Variants in UGT2A2 observed in about 807,000 individuals in gnomAD.
UGT2A2 encodes UDP glucuronosyltransferase family 2 member A2.
UGT2A2 carries 60 observed loss-of-function variants against 50.7 expected under a neutral mutation model. The ratio of observed to expected loss-of-function variants is 1.18; its 90% CI spans 0.96 to 1.47. The LOEUF (loss-of-function observed/expected upper bound fraction) is 1.47. Ranked by LOEUF, UGT2A2 falls within the 40% of genes most tolerant of loss-of-function variation. The pLI, the probability that UGT2A2 is intolerant of heterozygous loss-of-function variation, is 0.00. For missense variants in UGT2A2, 762 were observed against 634.0 expected (o/e 1.20, Z -2.17); for synonymous variants, 242 against 214.6 (o/e 1.13, Z -1.11).
Position 69,638,996 on chromosome 4 carries a change from A to G in UGT2A2, c.645T>C (p.Phe215=). The G allele has an allele frequency of 1.9e-6, 3 of 1,613,214 alleles. No individual in the cohort carries two copies. The highest frequency in any genetic ancestry group is 2.5e-6 in the Non-Finnish European group (3 of 1,179,516). Residue 215 remains phenylalanine, a synonymous_variant, in exon 1 of 6, where the codon TTT becomes TTC. Coordinates refer to ENST00000604629, the MANE Select transcript of UGT2A2 (RefSeq NM_001105677.2). ...ALSELTDQMT[F]GERIKNTISY... ...ATATGGTATTTTTAATCCTTTCACC[A>G]AAGGTCATCTGGTCAGTGAGCTCTG...
chr4:69,633,616 G>T (rs756693681), intron 1 of UGT2A2, among the ~76,000 whole-genome samples: 1 of 152,162 alleles, frequency 6.6e-6, no homozygotes, highest in Non-Finnish European at 1.5e-5. Flanking sequence ...ATAGCTATAA[G>T]AATGAGCACA....
Position 69,599,406 on chromosome 4 carries a change from G to T in UGT2A2, c.743-12C>A. ...CGTAGTGGGTCTTCCTGGAGAAAAT[G>T]TAACAAGTTGGATGGAGGAAATTAG... On this transcript the variant is annotated splice_polypyrimidine_tract_variant and intron_variant, in intron 1 of 5. Transcript: ENST00000604629. 1.2e-6 allele frequency: 2 copies of T among 1,611,516 alleles called. No individual in the cohort carries two copies. Among genetic ancestry groups the T allele is most frequent in the Non-Finnish European group, 1.7e-6 (2 of 1,179,380 alleles).
chr4:69,617,482 C>T (rs1012019717), intron 1 of UGT2A2, among the ~76,000 whole-genome samples: 20 of 151,836 alleles, frequency 1.3e-4, no homozygotes, highest in Middle Eastern at 3.4e-3. Flanking sequence ...TATACGTAGA[C>T]GTACAAAACC....
At chr4:69,594,392 C>T (rs1718781965) in intron 5 of UGT2A2, 85 bp downstream of exon 5, 2 of 1,508,186 alleles carry the variant, frequency 1.3e-6, no homozygotes, top group East Asian at 2.3e-5. Context: ...AAAATAATTA[C>T]AAAAGTATAA....
rs1236546499 is a variant in UGT2A2, at chr4:69,613,805, T to G, written c.743-14411A>C. ...CATGATTAAAAACTCTCAAAACAAC[T>G]GAGTATAGAAGGAACATAGCTCAAC... On this transcript the variant is annotated intron_variant, in intron 1 of 5. Coordinates refer to ENST00000604629, the MANE Select transcript of UGT2A2 (RefSeq NM_001105677.2). Among the ~76,000 whole-genome samples, 6 of 152,048 alleles carry G rather than the reference T, an allele frequency of 3.9e-5. No homozygotes were observed. In the East Asian group the frequency reaches 9.7e-4, roughly 25 times the overall value.
In UGT2A2 at chr4:69,589,142, C is replaced by A. The variant is rs919163323; in HGVS notation, c.*230G>T. ...AAAAGTGACAGGAAGAGGGTATAGT[C>A]AGCAGGGAGAGACAAAGGAAAAATA... On this transcript the variant is annotated 3_prime_UTR_variant, in exon 6 of 6. Transcript: ENST00000604629. 6.5e-5 allele frequency: 27 copies of A among 415,512 alleles called. No individual in the cohort carries two copies. Among genetic ancestry groups the A allele is most frequent in the Non-Finnish European group, 7.6e-5 (19 of 250,180 alleles). The allele number at this position is 415,512 out of a possible 1,614,324, so 25.7% of individuals were successfully genotyped here.
intron 1 of UGT2A2, among the ~76,000 whole-genome samples, chr4:69,634,610 A>C (rs1426416884): frequency 1.3e-5 from 2 of 152,212 alleles, no homozygotes; most frequent in African/African-American, 4.8e-5. Context: ...AAGTTGATTT[A>C]ACAACTGATA....
chr4:69,599,126 T>C (rs1719104660), intron 2 of UGT2A2, 120 bp downstream of exon 2: 1 of 1,385,490 alleles, frequency 7.2e-7, no homozygotes, highest in South Asian at 1.7e-5. Flanking sequence ...GGAAAATAGA[T>C]GTGGAGTAGC....
chr4:69,635,324 G>C (rs1721612788), intron 1 of UGT2A2, among the ~76,000 whole-genome samples: 1 of 152,138 alleles, frequency 6.6e-6, no homozygotes. Context: ...CCGATCTACA[G>C]TGCGCTGGGA....
chr4:69,639,460 C>T lies in UGT2A2; in HGVS notation c.181G>A (p.Val61Ile), dbSNP rs755749922. ...ELIQRNHNVT[V>I]LASSATLFIN... ...AATAGAGTTGCTGATGAAGCCAGTA[C>T]AGTCACATTGTGATTTCTTTGAATC... is the stretch of plus-strand genomic sequence containing the variant. Residue 61 changes from valine to isoleucine, a missense_variant, in exon 1 of 6, where the codon GTA becomes ATA. Coordinates refer to ENST00000604629, the MANE Select transcript of UGT2A2 (RefSeq NM_001105677.2). 6.2e-7 allele frequency: 1 copy of T among 1,613,066 alleles called. No individual in the cohort carries two copies. The highest frequency in any genetic ancestry group is 2.2e-5 in the East Asian group (1 of 44,802).
intron 1 of UGT2A2, among the ~76,000 whole-genome samples, chr4:69,608,622 A>C (rs1004739583): frequency 6.6e-6 from 1 of 152,074 alleles, no homozygotes; most frequent in Non-Finnish European, 1.5e-5. Flanking sequence ...GGAAGAAGGA[A>C]GGAGGGAAAA....
intron 1 of UGT2A2, among the ~76,000 whole-genome samples, chr4:69,634,221 A>G (rs964850510): frequency 1.3e-4 from 20 of 151,704 alleles, no homozygotes; most frequent in Non-Finnish European, 2.1e-4. Flanking sequence ...CTCCAGCCTG[A>G]GCGACAGAGC....
Position 69,589,288 on chromosome 4 carries a change from C to T in UGT2A2, c.*84G>A. ...GGATGGGAGACGTGTTTTTGTTAAACTCCTTTTGTCTGGAATTAATAGGAC... is the reference window on the plus strand; with the variant it reads ...GGATGGGAGACGTGTTTTTGTTAAATTCCTTTTGTCTGGAATTAATAGGAC... On this transcript the variant is annotated 3_prime_UTR_variant, in exon 6 of 6. Coordinates refer to ENST00000604629, the MANE Select transcript of UGT2A2 (RefSeq NM_001105677.2). The T allele has an allele frequency of 7.1e-7, 1 of 1,404,980 alleles. No homozygotes were observed. The highest frequency in any genetic ancestry group is 2.5e-5 in the East Asian group (1 of 39,890). 87.0% of individuals were successfully genotyped at this position (1,404,980 alleles called of 1,614,324 possible). A position where few individuals can be genotyped will look rare whatever the true frequency, so the allele number is the denominator to read the frequency against.
chr4:69,614,106 A>G (rs577085980), intron 1 of UGT2A2, among the ~76,000 whole-genome samples: 1 of 147,560 alleles, frequency 6.8e-6, no homozygotes, highest in Non-Finnish European at 1.5e-5. Context: ...AACTGTTTTA[A>G]GCTGATAAAC....
At chr4:69,634,631 A>G (rs1373635161) in intron 1 of UGT2A2, among the ~76,000 whole-genome samples, 2 of 152,160 alleles carry the variant, frequency 1.3e-5, no homozygotes, top group Non-Finnish European at 2.9e-5. Flanking sequence ...ATCACTTTAT[A>G]TATTTTACCA....
chr4:69,600,142 G>A (rs1719184741), intron 1 of UGT2A2, among the ~76,000 whole-genome samples: 1 of 152,194 alleles, frequency 6.6e-6, no homozygotes, highest in Non-Finnish European at 1.5e-5. Flanking sequence ...CCCAGAGTGT[G>A]AGTGGGGAGA....
At chr4:69,605,283 A>C (rs1024171506) in intron 1 of UGT2A2, among the ~76,000 whole-genome samples, 2 of 137,130 alleles carry the variant, frequency 1.5e-5, no homozygotes, top group African/African-American at 5.9e-5. Flanking sequence ...AAAACCGCTC[A>C]ACTACATGGA....
At chr4:69,623,524 G>T (rs1201003908) in intron 1 of UGT2A2, among the ~76,000 whole-genome samples, 1 of 151,252 alleles carries the variant, frequency 6.6e-6, no homozygotes, top group Non-Finnish European at 1.5e-5. Flanking sequence ...TAACAGAATA[G>T]TTTATATAAA....
chr4:69,594,686 T>C lies in UGT2A2; in HGVS notation c.1122A>G (p.Lys374=), dbSNP rs998813953. 6.2e-7 allele frequency: 1 copy of C among 1,613,366 alleles called. No individual in the cohort carries two copies. The highest frequency in any genetic ancestry group is 8.5e-7 in the Non-Finnish European group (1 of 1,179,706). ...IPQNDLLGHP[K]TKAFITHGGT... ...CACCATGAGTGATAAAAGCTTTGGT[T>C]TTGGGATGTCCTAATTTGAGGATGG... Residue 374 remains lysine, a synonymous_variant, in exon 5 of 6, where the codon AAA becomes AAG. Transcript: ENST00000604629.
Sources: allele counts gnomAD v4.1 joint callset (sites outside exome capture counted in the v4.1 genomes callset), GRCh38; gene constraint gnomAD v4.1.1; transcripts MANE v1.5; gene names NCBI Gene and HGNC (gene_info 2026-07-23, HGNC 2026-07-21).